The following CACNA1E variants were observed in gnomAD, a reference collection of about 807,000 sequenced individuals.
CACNA1E encodes the protein calcium voltage-gated channel subunit alpha1 E, also known as voltage-dependent R-type calcium channel subunit alpha-1E.
A neutral mutation model predicts 259.2 loss-of-function variants in CACNA1E; 40 were observed. The observed-to-expected ratio is 0.15, with a 90% CI of 0.12 to 0.20. The LOEUF is 0.20. Among genes scored for constraint, CACNA1E ranks in the 10% least tolerant of loss-of-function variants. The probability of loss-of-function intolerance (pLI) is 1.00; values close to 1 mark genes in which losing one functional copy is unlikely to be tolerated. For synonymous variants in CACNA1E, 1,104 were observed against 1,138.5 expected, an observed-to-expected ratio of 0.97 and a Z score of 0.61; for missense variants, 1,874 against 3,040.1, an observed-to-expected ratio of 0.62 and a Z score of 9.02.
At chr1:181,539,935 A>T (rs539458179) in intron 3 of CACNA1E, among the ~76,000 whole-genome samples, 2 of 152,290 alleles carry the variant, frequency 1.3e-5, no homozygotes, top group East Asian at 1.9e-4. Flanking sequence ...AGAAACCAGG[A>T]TGCCAGATTT....
intron 2 of CACNA1E, among the ~76,000 whole-genome samples, chr1:181,443,011 AT>A (rs1660596321): frequency 6.6e-6 from 1 of 152,146 alleles, no homozygotes; most frequent in South Asian, 2.1e-4. Context: ...AAAAGCCCAA[AT>A]GGAGATAAGC....
At chr1:181,368,171 G>A (rs1171251655) in intron 1 of CACNA1E, among the ~76,000 whole-genome samples, 5 of 151,856 alleles carry the variant, frequency 3.3e-5, no homozygotes, top group Middle Eastern at 3.2e-3. Context: ...CTGAGGTTGC[G>A]GTGAGCCGAG....
intron 6 of CACNA1E, among the ~76,000 whole-genome samples, chr1:181,596,596 G>GTGTA (rs1487995985): frequency 7.0e-6 from 1 of 142,110 alleles, no homozygotes; most frequent in African/African-American, 2.6e-5. Context: ...GTGTGTGTGT[G>GTGTA]TACACACACA....
chr1:181,441,344 G>T (rs1372413501), intron 2 of CACNA1E, among the ~76,000 whole-genome samples: 2 of 152,160 alleles, frequency 1.3e-5, no homozygotes, highest in African/African-American at 2.4e-5. Context: ...TAGAGACGGG[G>T]TTTCCCCATG....
intron 6 of CACNA1E, among the ~76,000 whole-genome samples, chr1:181,596,471 G>T (rs1001233667): frequency 6.6e-6 from 1 of 150,878 alleles, no homozygotes; most frequent in Non-Finnish European, 1.5e-5. Flanking sequence ...AAGGAAGAAC[G>T]TCGTTGGGGC....
intron 2 of CACNA1E, among the ~76,000 whole-genome samples, chr1:181,436,524 T>A (rs1357449517): frequency 6.6e-6 from 1 of 152,238 alleles, no homozygotes; most frequent in Non-Finnish European, 1.5e-5. Flanking sequence ...TGAAATACTT[T>A]CAGCCTTAGA....
intron 6 of CACNA1E, among the ~76,000 whole-genome samples, chr1:181,636,498 A>C (rs1053324783): frequency 1.3e-5 from 2 of 152,244 alleles, no homozygotes; most frequent in African/African-American, 4.8e-5. Flanking sequence ...GATATCTTCC[A>C]GACTAAATAA....
intron 1 of CACNA1E, among the ~76,000 whole-genome samples, chr1:181,363,326 C>T (rs987643130): frequency 1.3e-5 from 2 of 152,162 alleles, no homozygotes; most frequent in East Asian, 1.9e-4. Context: ...ACTATAATAC[C>T]TCAGAGGAGA....
At chr1:181,535,429 A>C (rs775084594) in intron 3 of CACNA1E, among the ~76,000 whole-genome samples, 29 of 152,082 alleles carry the variant, frequency 1.9e-4, no homozygotes, top group Admixed American at 4.6e-4. Context: ...CACCAACATC[A>C]TCACAAAACT....
chr1:181,523,025 T>G (rs577070371), intron 3 of CACNA1E, among the ~76,000 whole-genome samples: 1 of 152,340 alleles, frequency 6.6e-6, no homozygotes, highest in South Asian at 2.1e-4. Flanking sequence ...TTGAGGTAGA[T>G]GCCACAGAGG....
At chr1:181,503,313 T>C (rs1179846590) in intron 1 of CACNA1E, among the ~76,000 whole-genome samples, 1 of 152,224 alleles carries the variant, frequency 6.6e-6, no homozygotes, top group African/African-American at 2.4e-5. Context: ...GAGCCAGACT[T>C]CTGTGATGGT....
chr1:181,493,980 C>G (rs2479680), intron 1 of CACNA1E, among the ~76,000 whole-genome samples: 17,393 of 152,248 alleles, frequency 0.11, 1,112 homozygotes, highest in Middle Eastern at 0.15. Context: ...GGCTGCTGAT[C>G]CCTGAAGGCA....
chr1:181,495,725 C>T (rs967940223), intron 1 of CACNA1E, among the ~76,000 whole-genome samples: 2 of 152,198 alleles, frequency 1.3e-5, no homozygotes, highest in African/African-American at 4.8e-5. Flanking sequence ...GTCACTTTCC[C>T]TGCTTTGCCT....
chr1:181,425,885 C>G (rs1202736090), intron 2 of CACNA1E, among the ~76,000 whole-genome samples: 1 of 152,126 alleles, frequency 6.6e-6, no homozygotes, highest in African/African-American at 2.4e-5. Flanking sequence ...CCCCGCCTCT[C>G]CTGGGGACCT....
At chr1:181,453,000 C>T (rs1661256205) in intron 2 of CACNA1E, among the ~76,000 whole-genome samples, 1 of 152,192 alleles carries the variant, frequency 6.6e-6, no homozygotes, top group Non-Finnish European at 1.5e-5. Context: ...ATCAGCTGGA[C>T]AGTTTTAGTG....
intron 1 of CACNA1E, among the ~76,000 whole-genome samples, chr1:181,506,408 C>T (rs192917411): frequency 1.3e-5 from 2 of 152,176 alleles, no homozygotes; most frequent in East Asian, 3.9e-4. Flanking sequence ...AGCCATGGCT[C>T]AGGCCAGAGT....
chr1:181,793,726 C>G lies in CACNA1E; in HGVS notation c.5960C>G (p.Ser1987Trp), dbSNP rs749959606. 6.2e-7 allele frequency: 1 copy of G among 1,611,388 alleles called. No individual in the cohort carries two copies. Among genetic ancestry groups the G allele is most frequent in the South Asian group, 1.1e-5 (1 of 90,576 alleles). The change falls in exon 45 of 48, where the codon TCG becomes TGG. Residue 1987 changes from serine to tryptophan, a missense_variant. Transcript: ENST00000367573. ...TCTAACCATGGCATCTACCTTCCTT[C>G]GGACACCCAGGAGCATGCGGGATCT... ...QPSNHGIYLP[S>W]DTQEHAGSGR...
chr1:181,686,970 C>T (rs1650645664), intron 7 of CACNA1E, among the ~76,000 whole-genome samples: 1 of 152,122 alleles, frequency 6.6e-6, no homozygotes, highest in Non-Finnish European at 1.5e-5. Flanking sequence ...TTATTGTATT[C>T]CTACTGGCTC....
rs141139539 is a variant in CACNA1E at position 181,334,591 on chromosome 1, A to G, written c.-15+16468A>G. Among the ~76,000 whole-genome samples, 303 of 152,332 alleles carry G rather than the reference A, an allele frequency of 2.0e-3. 2 individuals carry two copies. The highest frequency in any genetic ancestry group is 6.8e-3 in the African/African-American group (281 of 41,582). ...GCTCTGGCCAAAAAATCTCAGCATC[A>G]TTCTTGACACCTCTCTTTCACTCCC... On this transcript the variant is annotated intron_variant, in intron 1 of 11. Coordinates refer to the CACNA1E transcript ENST00000524607.
Sources: gnomAD v4.1 joint callset for allele counts (sites outside exome capture counted in the v4.1 genomes callset) on GRCh38, gnomAD v4.1.1 for gene constraint, MANE v1.5 for transcripts, NCBI Gene and HGNC (gene_info 2026-07-23, HGNC 2026-07-21) for gene names.